Variants in RNF14 observed in about 807,000 individuals in gnomAD.
RNF14 encodes the protein ring finger protein 14.
A neutral mutation model predicts 52.6 loss-of-function variants in RNF14; 26 were observed. The ratio of observed to expected loss-of-function variants is 0.49; its 90% CI spans 0.36 to 0.69. RNF14 has a LOEUF of 0.69. Among genes scored for constraint, RNF14 ranks in the 30% least tolerant of loss-of-function variants. The probability of loss-of-function intolerance (pLI) is 0.00; values close to 1 mark genes in which losing one functional copy is unlikely to be tolerated. For synonymous variants in RNF14, 194 were observed against 202.0 expected, an observed-to-expected ratio of 0.96 and a Z score of 0.34; for missense variants, 404 against 560.4, an observed-to-expected ratio of 0.72 and a Z score of 2.82.
upstream of RNF14, chr5:141,957,209 T>C (rs1389877870): frequency 1.9e-6 from 3 of 1,614,094 alleles, no homozygotes; most frequent in African/African-American, 4.0e-5. This position sits in a 1 kb window ranked among gnomAD's most constrained non-coding sequence, Gnocchi z 4.3. Flanking sequence ...TCATAGGCAG[T>C]TAACACCAGA....
upstream of RNF14, chr5:141,956,422 A>T: frequency 6.2e-7 from 1 of 1,614,192 alleles, no homozygotes; most frequent in East Asian, 2.2e-5. Context: ...AATGAGGTGA[A>T]GAGAGGGTAA....
chr5:141,951,858 C>T, the RNF14 span, among the ~76,000 whole-genome samples: 15 of 152,230 alleles, frequency 9.9e-5, no homozygotes, highest in East Asian at 1.9e-4. Context: ...CTCATTCCTC[C>T]GAGTGTCCTG....
intron 6 of RNF14, among the ~76,000 whole-genome samples, chr5:141,982,072 A>G (rs1754837919): frequency 6.6e-6 from 1 of 152,290 alleles, no homozygotes; most frequent in Non-Finnish European, 1.5e-5. Context: ...TTTACTTTAG[A>G]CTTCTGTAAC....
At position 141,970,895 on chromosome 5, in the gene RNF14, G is replaced by C. The variant is rs543405787; in HGVS notation, c.-7+18G>C. Reference sequence around the variant, plus strand: ...ATTAACAGGTACTAACTGACCTCAAGTAGAACATGTAATTGTGTCTTAGAT... The same window carrying C: ...ATTAACAGGTACTAACTGACCTCAACTAGAACATGTAATTGTGTCTTAGAT... On this transcript the variant is annotated intron_variant, in intron 2 of 8. Coordinates refer to ENST00000394520, the MANE Select transcript of RNF14 (RefSeq NM_004290.5). 1 of 152,390 alleles carries C rather than the reference G, an allele frequency of 6.6e-6. No individual in the cohort carries two copies. Among genetic ancestry groups the C allele is most frequent in the South Asian group, 2.1e-4 (1 of 4,818 alleles). The allele number at this position is 152,390 out of a possible 1,614,324, so 9.4% of individuals were successfully genotyped here. A position where few individuals can be genotyped will look rare whatever the true frequency, so the allele number is the denominator to read the frequency against.
upstream of RNF14, among the ~76,000 whole-genome samples, chr5:141,953,531 G>A (rs1223423274): frequency 1.3e-5 from 2 of 152,222 alleles, no homozygotes; most frequent in Non-Finnish European, 2.9e-5. Context: ...GACTCTATGT[G>A]CTGCTGGAAA....
At chr5:141,960,115 C>T (rs1753248251) in intron 1 of RNF14, among the ~76,000 whole-genome samples, 1 of 152,182 alleles carries the variant, frequency 6.6e-6, no homozygotes, top group Non-Finnish European at 1.5e-5. Flanking sequence ...AAGGTGCTGC[C>T]TAAGCTACTA....
At chr5:141,975,523 T>A (rs1025822496) in intron 4 of RNF14, among the ~76,000 whole-genome samples, 10 of 152,236 alleles carry the variant, frequency 6.6e-5, no homozygotes, top group African/African-American at 2.4e-4. Context: ...TCAGTAAGGC[T>A]TGAGGCCTTA....
chr5:141,962,018 G>T (rs2126936807), upstream of RNF14, among the ~76,000 whole-genome samples: 1 of 152,174 alleles, frequency 6.6e-6, no homozygotes, highest in South Asian at 2.1e-4. Flanking sequence ...GCATCCTCCG[G>T]CTTATCCCAG....
At position 141,974,871 on chromosome 5, in the gene RNF14, G is replaced by T; in HGVS notation, c.222G>T (p.Val74=). The part of the protein sequence containing the change: ...EYTICFLPPL[V]LNFELPPDYP... Reference sequence around the variant, plus strand: ...CCATTTGCTTTCTGCCTCCACTTGTGCTGAACTTTGAACTGCCACCAGATT... The same window carrying T: ...CCATTTGCTTTCTGCCTCCACTTGTTCTGAACTTTGAACTGCCACCAGATT... The change falls in exon 4 of 9, where the codon GTG becomes GTT. Residue 74 remains valine, a synonymous_variant. Coordinates refer to ENST00000394520, the MANE Select transcript of RNF14 (RefSeq NM_004290.5). The T allele has an allele frequency of 6.2e-7, 1 of 1,614,106 alleles. No homozygotes were observed. The highest frequency in any genetic ancestry group is 8.5e-7 in the Non-Finnish European group (1 of 1,179,994).
chr5:141,978,036 CG>C (rs747933269), intron 4 of RNF14, among the ~76,000 whole-genome samples: 26 of 152,306 alleles, frequency 1.7e-4, no homozygotes, highest in Admixed American at 3.3e-4. Context: ...CTCTACCTTA[CG>C]GAGTCTTGCT....
upstream of RNF14, chr5:141,956,117 C>T (rs114449118): frequency 4.4e-3 from 7,132 of 1,614,184 alleles, 27 homozygotes; most frequent in Non-Finnish European, 5.1e-3. Flanking sequence ...TTCACAAGCA[C>T]GGAGAGGCTG....
chr5:141,979,030 A>G (rs1754514175), intron 5 of RNF14, among the ~76,000 whole-genome samples, 200 bp downstream of exon 5: 1 of 152,250 alleles, frequency 6.6e-6, no homozygotes. Context: ...TTGGCCTTGC[A>G]GTGGGCAAGG....
chr5:141,960,995 C>T (rs1753271093), intron 1 of RNF14, among the ~76,000 whole-genome samples: 1 of 152,120 alleles, frequency 6.6e-6, no homozygotes, highest in Admixed American at 6.5e-5. Context: ...CATAAATATC[C>T]ACAGCTCCAG....
intron 8 of RNF14, among the ~76,000 whole-genome samples, chr5:141,986,183 A>G (rs1204730898): frequency 1.3e-5 from 2 of 152,192 alleles, no homozygotes; most frequent in East Asian, 1.9e-4. Flanking sequence ...CCTTGGCACA[A>G]TGTGAATATC....
Position 141,989,665 on chromosome 5 carries a change from C to T in RNF14, c.*1875C>T, listed in dbSNP as rs931375250. 6 of 147,924 alleles carry T rather than the reference C, an allele frequency of 4.1e-5. No homozygotes were observed. Among genetic ancestry groups the T allele is most frequent in the African/African-American group, 1.3e-4 (5 of 39,666 alleles). The allele number at this position is 147,924 out of a possible 1,614,324, so 9.2% of individuals were successfully genotyped here. ...CCGAGATAGCGCCACTGCACTCCAGCCTGAGCGACAGAGCGAGACTCCTTC... is the reference window on the plus strand; with the variant it reads ...CCGAGATAGCGCCACTGCACTCCAGTCTGAGCGACAGAGCGAGACTCCTTC... On this transcript the variant is annotated 3_prime_UTR_variant, in exon 9 of 9. Transcript: ENST00000394520.
At chr5:141,958,130 A>C, upstream of RNF14, 1 of 460,420 alleles carries the variant, frequency 2.2e-6, no homozygotes, top group Non-Finnish European at 3.9e-6. Context: ...CAAATGATGG[A>C]CAAGAGCTGG....
chr5:141,955,396 G>T, upstream of RNF14: 1 of 1,614,028 alleles, frequency 6.2e-7, no homozygotes, highest in Non-Finnish European at 8.5e-7. The surrounding 1 kb of genome is among the most constrained non-coding windows in gnomAD (Gnocchi z 5.5). Context: ...CAGGGTCGGG[G>T]TGAGGTGGAA....
At chr5:141,968,118 CTTTT>C (rs55650781), upstream of RNF14, among the ~76,000 whole-genome samples, 22 of 118,920 alleles carry the variant, frequency 1.8e-4, no homozygotes, top group East Asian at 5.3e-4. Context: ...TTGTGTTTGA[CTTTT>C]TTTTTTTTTT....
intron 1 of RNF14, among the ~76,000 whole-genome samples, chr5:141,959,876 C>T (rs540930846): frequency 1.3e-5 from 2 of 152,320 alleles, no homozygotes; most frequent in East Asian, 3.9e-4. Context: ...CTGTTTCCTT[C>T]TCTGAGGGCT....
Sources: allele counts gnomAD v4.1 joint callset (sites outside exome capture counted in the v4.1 genomes callset), GRCh38; gene constraint gnomAD v4.1.1; non-coding constraint Gnocchi (gnomAD v3.1); transcripts MANE v1.5; gene names NCBI Gene and HGNC (gene_info 2026-07-23, HGNC 2026-07-21).